GRXCR2: variants seen among roughly 807,000 people sequenced by gnomAD.
GRXCR2 encodes glutaredoxin domain-containing cysteine-rich protein 2.
GRXCR2 carries 23 observed loss-of-function variants against 24.8 expected under a neutral mutation model. The observed-to-expected ratio is 0.93, with a 90% CI of 0.67 to 1.32. The LOEUF (loss-of-function observed/expected upper bound fraction) is 1.32, where lower values mean the gene tolerates loss of function less well. Among genes scored for constraint, GRXCR2 ranks in the 40% most tolerant of loss-of-function variants. The pLI is 0.00. For synonymous variants in GRXCR2, 130 were observed against 116.1 expected, an observed-to-expected ratio of 1.12 and a Z score of -0.77; for missense variants, 315 against 303.4, an observed-to-expected ratio of 1.04 and a Z score of -0.28.
intron 1 of GRXCR2, among the ~76,000 whole-genome samples, chr5:145,871,121 T>C (rs1272058480): frequency 6.6e-6 from 1 of 152,114 alleles, no homozygotes; most frequent in Non-Finnish European, 1.5e-5. Context: ...ATTTAGCACA[T>C]GACTTATGAA....
chr5:145,872,069 A>G (rs1001639685), intron 1 of GRXCR2, among the ~76,000 whole-genome samples: 3 of 152,228 alleles, frequency 2.0e-5, no homozygotes, highest in Non-Finnish European at 4.4e-5. Flanking sequence ...CACATAACAT[A>G]TCCTCTGGCT....
chr5:145,879,067 C>A (rs192210693), intron 2 of GRXCR2, among the ~76,000 whole-genome samples: 19 of 152,228 alleles, frequency 1.2e-4, no homozygotes, highest in Non-Finnish European at 2.4e-4. Context: ...AAGAAATAAC[C>A]AGTACCAGCC....
At chr5:145,928,569 A>G (rs1757433338) in intron 2 of GRXCR2, among the ~76,000 whole-genome samples, 1 of 152,188 alleles carries the variant, frequency 6.6e-6, no homozygotes, top group African/African-American at 2.4e-5. Context: ...AATACTATGC[A>G]GCCATAAACA....
At chr5:145,915,045 T>C (rs1757217952) in intron 2 of GRXCR2, among the ~76,000 whole-genome samples, 1 of 152,192 alleles carries the variant, frequency 6.6e-6, no homozygotes, top group South Asian at 2.1e-4. Flanking sequence ...ATTTCCAGCA[T>C]CTGTATTTTG....
intron 2 of GRXCR2, among the ~76,000 whole-genome samples, chr5:145,887,248 C>T (rs1184132659): frequency 6.6e-6 from 1 of 152,192 alleles, no homozygotes; most frequent in East Asian, 1.9e-4. Flanking sequence ...AGGTGTTTGC[C>T]ACCAAACCTG....
intron 2 of GRXCR2, among the ~76,000 whole-genome samples, chr5:145,881,602 C>T (rs1428077081): frequency 6.6e-6 from 1 of 152,142 alleles, no homozygotes; most frequent in Non-Finnish European, 1.5e-5. Flanking sequence ...CCATGCTGTC[C>T]AAGGTAATTT....
intron 2 of GRXCR2, among the ~76,000 whole-genome samples, chr5:145,894,381 G>A (rs553518690): frequency 1.3e-4 from 20 of 152,180 alleles, no homozygotes; most frequent in African/African-American, 3.4e-4. Context: ...TTGATAGACC[G>A]CTAGCAAGAC....
At position 145,914,128 on chromosome 5, in the gene GRXCR2, G is replaced by A. The variant is rs943500049; in HGVS notation, c.-70+21573C>T. On this transcript the variant is annotated intron_variant, in intron 2 of 3. Transcript: ENST00000639411. The stretch of plus-strand genomic sequence containing the variant: ...CAGGAGATCATCCCTGGGATGGGAC[G>A]GCTGGCCACTCCTCTTCTTATTGAA... Among the ~76,000 whole-genome samples, 7 of 152,196 alleles carry A rather than the reference G, an allele frequency of 4.6e-5. No individual in the cohort carries two copies. In the East Asian group the frequency reaches 5.8e-4, roughly 13 times the overall value.
intron 2 of GRXCR2, among the ~76,000 whole-genome samples, chr5:145,900,481 T>C (rs368968573): frequency 8.6e-5 from 13 of 151,908 alleles, no homozygotes; most frequent in Admixed American, 5.9e-4. Flanking sequence ...CTAATACAGA[T>C]ACAAACAGAC....
intron 2 of GRXCR2, among the ~76,000 whole-genome samples, chr5:145,926,825 G>A (rs899451391): frequency 3.9e-5 from 6 of 152,158 alleles, no homozygotes; most frequent in African/African-American, 1.4e-4. Context: ...GGGCAGTATG[G>A]CCATTTTCAC....
intron 2 of GRXCR2, among the ~76,000 whole-genome samples, chr5:145,918,951 C>G (rs1198791317): frequency 3.9e-5 from 6 of 152,142 alleles, no homozygotes; most frequent in Admixed American, 2.6e-4. Flanking sequence ...AGCCCCTCCC[C>G]AAATGCTGCA....
intron 2 of GRXCR2, among the ~76,000 whole-genome samples, chr5:145,923,141 G>C (rs998337164): frequency 2.6e-5 from 4 of 152,180 alleles, no homozygotes; most frequent in African/African-American, 9.7e-5. Flanking sequence ...CATCTCCAGG[G>C]TTTCTGATTC....
At chr5:145,908,040 G>C (rs1002401994) in intron 2 of GRXCR2, among the ~76,000 whole-genome samples, 6 of 152,074 alleles carry the variant, frequency 3.9e-5, no homozygotes, top group Non-Finnish European at 7.4e-5. Flanking sequence ...AAAGATCAGA[G>C]GAAGCTCCAG....
chr5:145,876,188 T>TGC (rs2149913556), upstream of GRXCR2, among the ~76,000 whole-genome samples: 1 of 90,434 alleles, frequency 1.1e-5, no homozygotes, highest in East Asian at 2.9e-4. Context: ...TATGTGTGTG[T>TGC]GTGTATATAT....
intron 2 of GRXCR2, among the ~76,000 whole-genome samples, chr5:145,927,401 C>A (rs1301540584): frequency 6.6e-6 from 1 of 152,068 alleles, no homozygotes; most frequent in African/African-American, 2.4e-5. Flanking sequence ...GAGATATGTC[C>A]CATCAATAAC....
At chr5:145,919,135 C>T (rs545286539) in intron 2 of GRXCR2, among the ~76,000 whole-genome samples, 20 of 152,258 alleles carry the variant, frequency 1.3e-4, no homozygotes, top group Non-Finnish European at 2.1e-4. Flanking sequence ...CATTTCTTCC[C>T]CCAGGTCCCA....
upstream of GRXCR2, among the ~76,000 whole-genome samples, chr5:145,875,175 T>C (rs946862899): frequency 2.6e-5 from 4 of 152,234 alleles, no homozygotes; most frequent in Non-Finnish European, 4.4e-5. Context: ...AACTCAGTAA[T>C]TGTTAAATGA....
At chr5:145,882,692 A>G (rs1756720286) in intron 2 of GRXCR2, among the ~76,000 whole-genome samples, 1 of 152,182 alleles carries the variant, frequency 6.6e-6, no homozygotes, top group African/African-American at 2.4e-5. Context: ...AAAGGATTAT[A>G]AATCATGCTG....
rs1305090878 is a variant in GRXCR2, at chr5:145,869,100, GCT to G, written c.337-2374_337-2373del. Among the ~76,000 whole-genome samples the G allele has an allele frequency of 2.0e-5, 3 of 152,312 alleles. No individual in the cohort carries two copies. In the East Asian group the frequency reaches 5.8e-4, roughly 29 times the overall value. On this transcript the variant is annotated intron_variant, in intron 1 of 2. Coordinates refer to ENST00000377976, the MANE Select transcript of GRXCR2 (RefSeq NM_001080516.2). ...TCAGGCACTATTAAATCTTTCCACTGCTCTGTTTTTAAATGCAGAAAGCCTTA... is the reference window on the plus strand; with the variant it reads ...TCAGGCACTATTAAATCTTTCCACTGCTGTTTTTAAATGCAGAAAGCCTTA...
Sources: gnomAD v4.1 joint callset for allele counts (sites outside exome capture counted in the v4.1 genomes callset) on GRCh38, gnomAD v4.1.1 for gene constraint, MANE v1.5 for transcripts, NCBI Gene and HGNC (gene_info 2026-07-23, HGNC 2026-07-21) for gene names.